The following PPP1R37 variants were observed in gnomAD, a reference collection of about 807,000 sequenced individuals.
PPP1R37 encodes leucine rich repeat containing 68.
PPP1R37 carries 21 observed loss-of-function variants against 61.0 expected under a neutral mutation model. The observed-to-expected ratio is 0.34, with a 90% confidence interval of 0.24 to 0.50. The LOEUF is 0.50. Among genes scored for constraint, PPP1R37 ranks in the 20% least tolerant of loss-of-function variants. The probability of loss-of-function intolerance (pLI) is 0.98; values close to 1 mark genes in which losing one functional copy is unlikely to be tolerated. For synonymous variants in PPP1R37, 443 were observed against 433.5 expected (o/e 1.02, Z -0.27); for missense variants, 910 against 952.7 (o/e 0.96, Z 0.59).
intron 1 of PPP1R37, among the ~76,000 whole-genome samples, chr19:45,127,789 A>G (rs1019158711): frequency 6.6e-6 from 1 of 152,118 alleles, no homozygotes; most frequent in African/African-American, 2.4e-5. Flanking sequence ...ATCCTGACTA[A>G]CACAGTGAAA....
At chr19:45,109,318 C>T (rs150398412) in intron 1 of PPP1R37, among the ~76,000 whole-genome samples, 2 of 152,308 alleles carry the variant, frequency 1.3e-5, no homozygotes, top group East Asian at 1.9e-4. Flanking sequence ...AAAGCCCCAT[C>T]TCAGTGTGAA....
At position 45,130,556 on chromosome 19, in the gene PPP1R37, G is replaced by A. The variant is rs1229749516; in HGVS notation, c.203-7958G>A. Among the ~76,000 whole-genome samples, 3 of 152,132 alleles carry A rather than the reference G, an allele frequency of 2.0e-5. No individual in the cohort carries two copies. Among genetic ancestry groups the A allele is most frequent in the East Asian group, 1.9e-4 (1 of 5,180 alleles). On this transcript the variant is annotated intron_variant, in intron 1 of 12. Transcript: ENST00000221462. This position sits in a 1 kb window ranked among gnomAD's most constrained non-coding sequence, Gnocchi z 4.4. ...TGAATGAAGACCCAGACCTGAGCCC[G>A]GTGGGGCCTCTGGGAACACTCCTTT...
chr19:45,131,921 A>G (rs1445005813), intron 1 of PPP1R37, among the ~76,000 whole-genome samples: 2 of 152,288 alleles, frequency 1.3e-5, no homozygotes, highest in East Asian at 3.9e-4. Context: ...GCGACCCCAC[A>G]GGTGTCCCTT....
At position 45,095,679 on chromosome 19, in the gene PPP1R37, T is replaced by C. The variant is rs538446944; in HGVS notation, c.202+2152T>C. Among the ~76,000 whole-genome samples, 530 of 151,262 alleles carry C rather than the reference T, an allele frequency of 3.5e-3. 4 individuals are homozygous for C. Among genetic ancestry groups the C allele is most frequent in the African/African-American group, 0.012 (508 of 41,164 alleles). ...TCAGGAGGCTGAAGTGGGAGGATCATTTGAGCCCAGGAGGTCGATAGTGCA... is the reference window on the plus strand; with the variant it reads ...TCAGGAGGCTGAAGTGGGAGGATCACTTGAGCCCAGGAGGTCGATAGTGCA... On this transcript the variant is annotated intron_variant, in intron 1 of 12. Coordinates refer to ENST00000221462, the MANE Select transcript of PPP1R37 (RefSeq NM_019121.2).
At chr19:45,139,253 T>A (rs922235653) in intron 2 of PPP1R37, among the ~76,000 whole-genome samples, 5 of 152,180 alleles carry the variant, frequency 3.3e-5, no homozygotes, top group African/African-American at 1.2e-4. Flanking sequence ...ATAACACATA[T>A]CCTCAGATTT....
chr19:45,114,203 T>C (rs1399154334), intron 1 of PPP1R37, among the ~76,000 whole-genome samples: 1 of 152,150 alleles, frequency 6.6e-6, no homozygotes, highest in Non-Finnish European at 1.5e-5. Context: ...GTCTGTTGAG[T>C]TATCAGGGCC....
In PPP1R37 at chr19:45,140,588, G is replaced by C. The variant is rs755406782; in HGVS notation, c.429G>C (p.Gln143His). The C allele has an allele frequency of 2.0e-6, 3 of 1,536,026 alleles. No homozygotes were observed. The highest frequency in any genetic ancestry group is 2.4e-5 in the East Asian group (1 of 40,908). The change falls in exon 4 of 13, where the codon CAG becomes CAC. Residue 143 changes from glutamine to histidine, a missense_variant. Gln to His is a conservative substitution (Grantham distance 24). Transcript: ENST00000221462. ...RLQFKVVDLE[Q>H]TNLDEDGASA... The stretch of plus-strand genomic sequence containing the variant: ...AGTTCAAGGTCGTGGACCTGGAGCA[G>C]ACAAACCTGGATGAAGATGTGAGCG...
intron 1 of PPP1R37, among the ~76,000 whole-genome samples, chr19:45,119,920 T>C (rs1036122851): frequency 5.3e-5 from 8 of 152,110 alleles, no homozygotes; most frequent in African/African-American, 1.7e-4. Flanking sequence ...CTGGGGTCCC[T>C]CTTTGTTCCT....
At chr19:45,144,803 T>G in intron 8 of PPP1R37, 51 bp from the exon 9 acceptor site, 1 of 1,445,144 alleles carries the variant, frequency 6.9e-7, no homozygotes. Context: ...GCCTCCTGGG[T>G]CTCCTCCGCC....
Position 45,143,762 on chromosome 19 carries a change from A to C in PPP1R37, c.987+129A>C. 3 of 550,816 alleles carry C rather than the reference A, an allele frequency of 5.4e-6. No individual in the cohort carries two copies. In the East Asian group the frequency reaches 9.7e-5, roughly 18 times the overall value. 34.1% of individuals were successfully genotyped at this position (550,816 alleles called of 1,614,324 possible). A position where few individuals can be genotyped will look rare whatever the true frequency, so the allele number is the denominator to read the frequency against. On this transcript the variant is annotated intron_variant, in intron 8 of 12. Coordinates refer to ENST00000221462, the MANE Select transcript of PPP1R37 (RefSeq NM_019121.2). ...ATCCTGCAGGTTCAAGACGATTTAAACTCAGCCCCACCTGCTTCCTCATTC... is the reference window on the plus strand; with the variant it reads ...ATCCTGCAGGTTCAAGACGATTTAACCTCAGCCCCACCTGCTTCCTCATTC...
At chr19:45,117,205 G>A (rs1022150985) in intron 1 of PPP1R37, among the ~76,000 whole-genome samples, 15 of 152,144 alleles carry the variant, frequency 9.9e-5, no homozygotes, top group Admixed American at 4.6e-4. Context: ...GAGCCATTGC[G>A]CCTGGCCAGG....
At position 45,146,422 on chromosome 19, in the gene PPP1R37, G is replaced by A. The variant is rs1400094739; in HGVS notation, c.2026G>A (p.Glu676Lys). Residue 676 changes from glutamate to lysine, a missense_variant, in exon 12 of 13, where the codon GAG (glutamate) becomes AAG (lysine). Glu to Lys is a moderately conservative substitution (Grantham distance 56). Coordinates refer to ENST00000221462, the MANE Select transcript of PPP1R37 (RefSeq NM_019121.2). ...CTGCTCCAAGAACGAGAAGGAGCTC[G>A]AGGAGCTGCTTCTGGAAGCCAGTCA... ...LSCSKNEKELEELLLEASQES... is the reference protein window; with the variant it reads ...LSCSKNEKELKELLLEASQES... 9.8e-6 allele frequency: 15 copies of A among 1,535,750 alleles called. No homozygotes were observed. The highest frequency in any genetic ancestry group is 4.9e-5 in the East Asian group (2 of 40,902).
At chr19:45,140,713 C>A in intron 4 of PPP1R37, 107 bp downstream of exon 4, 1 of 802,676 alleles carries the variant, frequency 1.2e-6, no homozygotes, top group Non-Finnish European at 2.0e-6. Context: ...TAGACAAAGG[C>A]TGAGGGGTGG....
At chr19:45,133,123 G>A (rs754893426) in intron 1 of PPP1R37, among the ~76,000 whole-genome samples, 2 of 152,126 alleles carry the variant, frequency 1.3e-5, no homozygotes, top group African/African-American at 4.8e-5. Context: ...TGTTGCCCAG[G>A]CTGGAGTGCA....
At chr19:45,128,791 C>T in intron 1 of PPP1R37, 1 of 631,222 alleles carries the variant, frequency 1.6e-6, no homozygotes, top group Non-Finnish European at 2.9e-6. Context: ...AACTGCCTGT[C>T]ACCTTATAAT....
chr19:45,116,341 C>A (rs1968267016), intron 1 of PPP1R37, among the ~76,000 whole-genome samples: 1 of 152,228 alleles, frequency 6.6e-6, no homozygotes, highest in African/African-American at 2.4e-5. Context: ...ACATCCCTGC[C>A]TGAGGCCTGG....
intron 4 of PPP1R37, 130 bp from the exon 5 acceptor site, chr19:45,141,192 C>A (rs1008772068): frequency 9.9e-7 from 1 of 1,013,194 alleles, no homozygotes; most frequent in Non-Finnish European, 1.4e-6. Context: ...CTGTGCTTGT[C>A]CTCCTCTCCC....
chr19:45,118,530 A>T (rs1170472584), intron 1 of PPP1R37, among the ~76,000 whole-genome samples: 10 of 151,988 alleles, frequency 6.6e-5, no homozygotes. Context: ...CTTCCCAGGG[A>T]TGTGCTAAGG....
At chr19:45,106,687 C>T (rs369043679) in intron 1 of PPP1R37, among the ~76,000 whole-genome samples, 7 of 152,072 alleles carry the variant, frequency 4.6e-5, no homozygotes, top group African/African-American at 1.7e-4. Context: ...AGGCACAAGC[C>T]ACCATGCCTG....
Sources: gnomAD v4.1 joint callset for allele counts (sites outside exome capture counted in the v4.1 genomes callset) on GRCh38, gnomAD v4.1.1 for gene constraint, Gnocchi (gnomAD v3.1) non-coding constraint, MANE v1.5 for transcripts, NCBI Gene and HGNC (gene_info 2026-07-23, HGNC 2026-07-21) for gene names.